NCKAP5: variants seen among roughly 807,000 people sequenced by gnomAD.
NCKAP5 encodes NCK associated protein 5.
In NCKAP5, 92 loss-of-function variants were observed where a neutral mutation model predicts 167.0. The ratio of observed to expected loss-of-function variants is 0.55; its 90% CI spans 0.47 to 0.66. The LOEUF (loss-of-function observed/expected upper bound fraction) is 0.66. NCKAP5 is among the 30% of genes least tolerant of loss of function. The probability of loss-of-function intolerance (pLI) is 0.00; values close to 1 mark genes in which losing one functional copy is unlikely to be tolerated. For synonymous variants in NCKAP5, 891 were observed against 877.4 expected (o/e 1.02, Z -0.27); for missense variants, 2,378 against 2,315.0 (o/e 1.03, Z -0.56).
chr2:133,105,866 T>A (rs913195585), intron 6 of NCKAP5, among the ~76,000 whole-genome samples: 10 of 152,132 alleles, frequency 6.6e-5, no homozygotes, highest in Middle Eastern at 6.3e-3. Context: ...TTTTAGTGAT[T>A]TTTTCTCCCT....
chr2:132,794,888 G>A (rs560825029), intron 12 of NCKAP5, among the ~76,000 whole-genome samples: 1 of 152,290 alleles, frequency 6.6e-6, no homozygotes, highest in African/African-American at 2.4e-5. Context: ...AGACATATTA[G>A]TAGAGCCCTT....
chr2:133,536,371 C>T (rs1334651647), intron 2 of NCKAP5, among the ~76,000 whole-genome samples: 2 of 152,050 alleles, frequency 1.3e-5, no homozygotes, highest in Non-Finnish European at 2.9e-5. Context: ...CTAGTTTTCC[C>T]AGCACCACTT....
Position 133,535,205 on chromosome 2 carries a change from A to T in NCKAP5, c.-61-17618T>A, listed in dbSNP as rs142904113. ...TGTTTCATGCATATATTGCATAATG[A>T]TGAGATTTGAGTGTTAAGTGTACCC... On this transcript the variant is annotated intron_variant, in intron 2 of 19. Transcript: ENST00000409261. 4.1e-4 allele frequency among the ~76,000 whole-genome samples: 63 copies of T among 152,250 alleles called. No homozygotes were observed. The East Asian group carries it at 0.01, about 24-fold the overall frequency.
the NCKAP5 span, among the ~76,000 whole-genome samples, chr2:133,668,870 A>G: frequency 6.6e-6 from 1 of 152,058 alleles, no homozygotes; most frequent in African/African-American, 2.4e-5. Flanking sequence ...CTCTTTCTCA[A>G]ACTCTCATAG....
intron 4 of NCKAP5, among the ~76,000 whole-genome samples, chr2:133,236,005 G>A (rs1287934200): frequency 1.4e-5 from 2 of 140,314 alleles, no homozygotes; most frequent in Non-Finnish European, 3.0e-5. Context: ...AGTGGAGGCT[G>A]CAGTGAGCCA....
At chr2:133,103,775 G>A (rs947551985) in intron 6 of NCKAP5, among the ~76,000 whole-genome samples, 2 of 152,178 alleles carry the variant, frequency 1.3e-5, no homozygotes, top group African/African-American at 4.8e-5. Context: ...GAGAGGTGCT[G>A]TCTCAGTCAG....
intron 8 of NCKAP5, chr2:132,926,144 GTTCTGT>G: frequency 2.9e-6 from 1 of 348,550 alleles, no homozygotes; most frequent in Non-Finnish European, 5.9e-6. Flanking sequence ...GGTATTCGAC[GTTCTGT>G]TTCTGTTTCT....
intron 6 of NCKAP5, among the ~76,000 whole-genome samples, chr2:133,000,093 A>G (rs1384956162): frequency 6.6e-6 from 1 of 152,196 alleles, no homozygotes; most frequent in East Asian, 1.9e-4. Context: ...TCTTTTAGTC[A>G]GGTGAGAGGG....
At chr2:133,440,656 G>C (rs1312276274) in intron 3 of NCKAP5, among the ~76,000 whole-genome samples, 2 of 135,706 alleles carry the variant, frequency 1.5e-5, no homozygotes, top group African/African-American at 5.6e-5. Context: ...CTTGCAGTGA[G>C]CAGAGATGGC....
intron 19 of NCKAP5, among the ~76,000 whole-genome samples, chr2:132,688,819 C>A (rs1219399157): frequency 6.6e-6 from 1 of 151,788 alleles, no homozygotes; most frequent in African/African-American, 2.4e-5. Context: ...GACTCTATCT[C>A]TACAAAAAAT....
Position 132,823,516 on chromosome 2 carries a change from C to G in NCKAP5, c.808-26787G>C, listed in dbSNP as rs142289611. On this transcript the variant is annotated intron_variant, in intron 11 of 19. Coordinates refer to ENST00000409261, the MANE Select transcript of NCKAP5 (RefSeq NM_207363.3). Reference sequence around the variant, plus strand: ...AAATAAATACCGAGAGAATTCATCACAACTCAGTCAGCACTATATAAAATG... The same window carrying G: ...AAATAAATACCGAGAGAATTCATCAGAACTCAGTCAGCACTATATAAAATG... Among the ~76,000 whole-genome samples the G allele has an allele frequency of 1.4e-3, 213 of 152,158 alleles. 1 individual carries two copies. Among genetic ancestry groups the G allele is most frequent in the African/African-American group, 4.9e-3 (202 of 41,520 alleles).
intron 6 of NCKAP5, among the ~76,000 whole-genome samples, chr2:133,054,967 T>C (rs558624127): frequency 6.9e-4 from 105 of 152,340 alleles, no homozygotes; most frequent in Admixed American, 1.4e-3. Context: ...TTTACACATA[T>C]CTGTATAAGG....
At position 132,814,789 on chromosome 2, in the gene NCKAP5, T is replaced by A. The variant is rs1333537610; in HGVS notation, c.808-18060A>T. Among the ~76,000 whole-genome samples, 5 of 152,270 alleles carry A rather than the reference T, an allele frequency of 3.3e-5. No homozygotes were observed. In the East Asian group the frequency reaches 7.7e-4, roughly 24 times the overall value. On this transcript the variant is annotated intron_variant, in intron 11 of 19. Transcript: ENST00000409261. ...ACATTGCAAACATTTGTATGACAGATTAGGAAGTTACAAGTGCATCAGAAA... is the reference window on the plus strand; with the variant it reads ...ACATTGCAAACATTTGTATGACAGAATAGGAAGTTACAAGTGCATCAGAAA...
upstream of NCKAP5, among the ~76,000 whole-genome samples, chr2:133,570,019 G>A (rs1308554658): frequency 3.3e-5 from 5 of 151,894 alleles, no homozygotes; most frequent in Non-Finnish European, 7.4e-5. Context: ...TTATTTGTAA[G>A]CCAATAAAAG....
intron 6 of NCKAP5, among the ~76,000 whole-genome samples, chr2:133,087,950 G>C (rs553401733): frequency 6.6e-6 from 1 of 152,254 alleles, no homozygotes; most frequent in African/African-American, 2.4e-5. Flanking sequence ...ATTCTAGTGG[G>C]AGAGAGATCA....
At chr2:133,445,354 G>T (rs1034315683) in intron 3 of NCKAP5, among the ~76,000 whole-genome samples, 3 of 152,024 alleles carry the variant, frequency 2.0e-5, no homozygotes, top group African/African-American at 7.2e-5. Flanking sequence ...GGGCAAAATT[G>T]GTTTTTAAAA....
chr2:133,040,789 G>A (rs2079192481), intron 6 of NCKAP5, among the ~76,000 whole-genome samples: 1 of 152,182 alleles, frequency 6.6e-6, no homozygotes, highest in Non-Finnish European at 1.5e-5. Flanking sequence ...TTTACAAAAG[G>A]GAATTGATTT....
At chr2:133,415,926 A>C (rs1345903945) in intron 3 of NCKAP5, among the ~76,000 whole-genome samples, 1 of 152,250 alleles carries the variant, frequency 6.6e-6, no homozygotes, top group East Asian at 1.9e-4. Context: ...TCTGAGCAAA[A>C]GTAAAACACA....
At chr2:132,977,539 A>G (rs1454453251) in intron 7 of NCKAP5, among the ~76,000 whole-genome samples, 3 of 152,212 alleles carry the variant, frequency 2.0e-5, no homozygotes, top group Non-Finnish European at 2.9e-5. Flanking sequence ...TGACTCAAAG[A>G]CTAACTCCCA....
Sources: gnomAD v4.1 joint callset for allele counts (sites outside exome capture counted in the v4.1 genomes callset) on GRCh38, gnomAD v4.1.1 for gene constraint, MANE v1.5 for transcripts, NCBI Gene and HGNC (gene_info 2026-07-23, HGNC 2026-07-21) for gene names.